Variants in ADARB2 observed in about 807,000 individuals in gnomAD.
ADARB2 encodes adenosine deaminase RNA specific B2 (inactive).
ADARB2 carries 25 observed loss-of-function variants against 62.2 expected under a neutral mutation model. The ratio of observed to expected loss-of-function variants is 0.40; its 90% CI spans 0.29 to 0.56. The LOEUF is 0.56. ADARB2 is among the 20% of genes least tolerant of loss of function. ADARB2 has a pLI of 0.43. For synonymous variants in ADARB2, 572 were observed against 500.8 expected, an observed-to-expected ratio of 1.14 and a Z score of -1.90; for missense variants, 1,071 against 1,077.4, an observed-to-expected ratio of 0.99 and a Z score of 0.08.
At chr10:1,460,661 G>A (rs111919428) in intron 1 of ADARB2, among the ~76,000 whole-genome samples, 128 of 33,866 alleles carry the variant, frequency 3.8e-3, no homozygotes, top group African/African-American at 6.5e-3. Context: ...CCTGTGTAAC[G>A]AACCTGCCTG....
At chr10:1,245,865 G>A (rs954404933) in intron 4 of ADARB2, among the ~76,000 whole-genome samples, 1 of 151,540 alleles carries the variant, frequency 6.6e-6, no homozygotes. Flanking sequence ...TAATGGGATG[G>A]CTGGATCAAA....
At chr10:1,305,086 C>T (rs1311433844) in intron 3 of ADARB2, among the ~76,000 whole-genome samples, 1 of 131,176 alleles carries the variant, frequency 7.6e-6, no homozygotes, top group Non-Finnish European at 1.7e-5. Context: ...ACACAAAAAA[C>T]CCTTCAAAAA....
At chr10:1,525,202 G>C (rs1410646491) in intron 1 of ADARB2, among the ~76,000 whole-genome samples, 3 of 152,092 alleles carry the variant, frequency 2.0e-5, no homozygotes, top group Non-Finnish European at 4.4e-5. Flanking sequence ...TTGTATGTTT[G>C]GGGGAGGAGG....
chr10:1,612,297 A>T (rs977654215), intron 1 of ADARB2, among the ~76,000 whole-genome samples: 6 of 152,230 alleles, frequency 3.9e-5, no homozygotes, highest in Admixed American at 3.3e-4. Context: ...CAAATAGAAC[A>T]CGGGAAGCCA....
rs192490157 is a variant in ADARB2, at chr10:1,223,700, G to T, written c.1514-6581C>A. Among the ~76,000 whole-genome samples, 107 of 152,184 alleles carry T rather than the reference G, an allele frequency of 7.0e-4. 1 individual carries two copies. The highest frequency in any genetic ancestry group is 1.2e-3 in the Non-Finnish European group (84 of 68,012). ...GATAATCATGTGGTTTTTGTCTTTGGCTCTGTTTATATGCTGGATTACGTT... is the reference window on the plus strand; with the variant it reads ...GATAATCATGTGGTTTTTGTCTTTGTCTCTGTTTATATGCTGGATTACGTT... On this transcript the variant is annotated intron_variant, in intron 6 of 9. Coordinates refer to ENST00000381312, the MANE Select transcript of ADARB2 (RefSeq NM_018702.4).
At chr10:1,532,473 G>C (rs558128199) in intron 1 of ADARB2, among the ~76,000 whole-genome samples, 1 of 152,072 alleles carries the variant, frequency 6.6e-6, no homozygotes, top group Non-Finnish European at 1.5e-5. Context: ...TCAGTGGCCC[G>C]TCCCTGTGTC....
intron 1 of ADARB2, among the ~76,000 whole-genome samples, chr10:1,478,029 T>G (rs1831423772): frequency 6.6e-6 from 1 of 152,158 alleles, no homozygotes; most frequent in Non-Finnish European, 1.5e-5. Context: ...AAAACCCGAC[T>G]GCAGCAAACC....
chr10:1,479,695 A>T (rs1831443997), intron 1 of ADARB2, among the ~76,000 whole-genome samples: 1 of 152,204 alleles, frequency 6.6e-6, no homozygotes, highest in South Asian at 2.1e-4. Flanking sequence ...CACCAATAAC[A>T]CCAGGCCGGA....
Position 1,375,970 on chromosome 10 carries a change from T to C in ADARB2, c.187+3104A>G, listed in dbSNP as rs28423693. Among the ~76,000 whole-genome samples the C allele has an allele frequency of 7.2e-5, 10 of 139,014 alleles. No homozygotes were observed. In the East Asian group the frequency reaches 1.5e-3, roughly 21 times the overall value. 91.2% of individuals were successfully genotyped at this position (139,014 alleles called of 152,430 possible). On this transcript the variant is annotated intron_variant, in intron 2 of 9. Transcript: ENST00000381312. ...CACCACACACATGCACACACACACA[T>C]GTGCACACACACGCACACACACGCA...
chr10:1,454,157 G>A (rs1425483908), intron 1 of ADARB2, among the ~76,000 whole-genome samples: 1 of 152,186 alleles, frequency 6.6e-6, no homozygotes, highest in East Asian at 1.9e-4. Flanking sequence ...AGGAGAGCGT[G>A]TGCAGGGGAA....
At chr10:1,709,841 T>C (rs1588361602) in intron 1 of ADARB2, among the ~76,000 whole-genome samples, 1 of 152,238 alleles carries the variant, frequency 6.6e-6, no homozygotes, top group East Asian at 1.9e-4. Flanking sequence ...TATTGAGACA[T>C]TTCAGCATGA....
chr10:1,671,991 G>T (rs1834391228), intron 1 of ADARB2, among the ~76,000 whole-genome samples: 4 of 152,192 alleles, frequency 2.6e-5, no homozygotes, highest in Non-Finnish European at 4.4e-5. Context: ...GCACACTTCG[G>T]GGGGCGGAGG....
intron 4 of ADARB2, among the ~76,000 whole-genome samples, chr10:1,253,825 T>G (rs1831056388): frequency 6.6e-6 from 1 of 152,224 alleles, no homozygotes; most frequent in African/African-American, 2.4e-5. Flanking sequence ...AGCTGAAGAC[T>G]GGGAGCAGCC....
intron 1 of ADARB2, among the ~76,000 whole-genome samples, chr10:1,418,890 GCGT>G (rs1832828887): frequency 6.6e-6 from 1 of 152,048 alleles, no homozygotes; most frequent in Admixed American, 6.6e-5. Context: ...TCTGTTTTGT[GCGT>G]GCTGTCGGAA....
At position 1,562,162 on chromosome 10, in the gene ADARB2, G is replaced by A. The variant is rs567562472; in HGVS notation, c.100+174889C>T. ...TGCCTGGAGCAGCCCCTCTCACCCC[G>A]CCCAACCCCCTCCCAAGCCCAGTCA... On this transcript the variant is annotated intron_variant, in intron 1 of 9. Transcript: ENST00000381312. 1.2e-4 allele frequency among the ~76,000 whole-genome samples: 16 copies of A among 137,264 alleles called. No homozygotes were observed. The South Asian group carries it at 4.0e-3, about 34-fold the overall frequency. The allele number at this position is 137,264 out of a possible 152,430, so 90.1% of individuals were successfully genotyped here. A position where few individuals can be genotyped will look rare whatever the true frequency, so the allele number is the denominator to read the frequency against.
chr10:1,457,349 G>A lies in ADARB2; in HGVS notation c.101-78189C>T, dbSNP rs1315162305. On this transcript the variant is annotated intron_variant, in intron 1 of 9. Transcript: ENST00000381312. ...CTGATTCCAGGAGGGTTCCGAGTTC[G>A]CTGGGACAAGCCATCCTCACTTTAA... Among the ~76,000 whole-genome samples the A allele has an allele frequency of 2.6e-5, 4 of 152,062 alleles. No individual in the cohort carries two copies. The South Asian group carries it at 8.3e-4, about 32-fold the overall frequency.
At chr10:1,654,227 T>C (rs1834148278) in intron 1 of ADARB2, among the ~76,000 whole-genome samples, 1 of 152,198 alleles carries the variant, frequency 6.6e-6, no homozygotes, top group Non-Finnish European at 1.5e-5. Flanking sequence ...GGTGATCATG[T>C]AGTTTTCTGG....
chr10:1,518,948 C>T (rs540520038), intron 1 of ADARB2, among the ~76,000 whole-genome samples: 50 of 150,744 alleles, frequency 3.3e-4, no homozygotes, highest in African/African-American at 9.6e-4. Flanking sequence ...TGTGGTCATA[C>T]GCATGCATTC....
intron 1 of ADARB2, among the ~76,000 whole-genome samples, chr10:1,735,173 C>T (rs1002437657): frequency 1.3e-5 from 2 of 152,176 alleles, no homozygotes; most frequent in Admixed American, 1.3e-4. Context: ...AACCTGAATG[C>T]CCTTTCCCGC....
Sources: gnomAD v4.1 joint callset for allele counts (sites outside exome capture counted in the v4.1 genomes callset) on GRCh38, gnomAD v4.1.1 for gene constraint, MANE v1.5 for transcripts, NCBI Gene and HGNC (gene_info 2026-07-23, HGNC 2026-07-21) for gene names.